GREB1L: variants seen among roughly 807,000 people sequenced by gnomAD.
The protein encoded by GREB1L is GREB1-like protein.
A neutral mutation model predicts 200.8 loss-of-function variants in GREB1L; 17 were observed. The ratio of observed to expected loss-of-function variants is 0.08; its 90% CI spans 0.06 to 0.13. The LOEUF (loss-of-function observed/expected upper bound fraction) is 0.13, where lower values mean the gene tolerates loss of function less well. Ranked by LOEUF, GREB1L falls within the 10% of genes least tolerant of loss-of-function variation. GREB1L has a pLI of 1.00. For synonymous variants in GREB1L, 789 were observed against 893.0 expected (o/e 0.88, Z 2.08); for missense variants, 1,657 against 2,367.7 (o/e 0.70, Z 6.23).
At chr18:21,431,104 C>G (rs545117261) in intron 7 of GREB1L, among the ~76,000 whole-genome samples, 2 of 151,986 alleles carry the variant, frequency 1.3e-5, no homozygotes, top group East Asian at 3.9e-4. Context: ...TCACTGCAAC[C>G]TCCACCTCCT....
At chr18:21,399,436 G>A (rs1490863584) in intron 5 of GREB1L, among the ~76,000 whole-genome samples, 1 of 147,774 alleles carries the variant, frequency 6.8e-6, no homozygotes, top group Non-Finnish European at 1.5e-5. Context: ...TGGTTGGATG[G>A]TTGGATGGAT....
intron 1 of GREB1L, among the ~76,000 whole-genome samples, chr18:21,312,563 TTTA>T: frequency 6.6e-6 from 1 of 151,880 alleles, no homozygotes; most frequent in African/African-American, 2.4e-5. Context: ...TATTTATTTA[TTTA>T]TTTTTTGAGA....
intron 2 of GREB1L, among the ~76,000 whole-genome samples, chr18:21,373,196 A>G (rs1222093123): frequency 6.6e-6 from 1 of 152,156 alleles, no homozygotes; most frequent in African/African-American, 2.4e-5. Context: ...CAGTGGGTTC[A>G]GGAGGTGACA....
chr18:21,268,560 C>CACATATATATATATAT (rs1204514384), intron 1 of GREB1L, among the ~76,000 whole-genome samples: 6 of 63,526 alleles, frequency 9.4e-5, no homozygotes, highest in African/African-American at 4.5e-4. Flanking sequence ...CACACACACA[C>CACATATATATATATAT]ATATATATAT....
At chr18:21,315,426 T>C (rs2144845613) in intron 1 of GREB1L, among the ~76,000 whole-genome samples, 1 of 152,246 alleles carries the variant, frequency 6.6e-6, no homozygotes, top group Non-Finnish European at 1.5e-5. Flanking sequence ...ATTTTTGCCC[T>C]TTGGCCCAGT....
chr18:21,439,479 C>T, intron 7 of GREB1L, 42 bp from the exon 8 acceptor site: 1 of 1,217,860 alleles, frequency 8.2e-7, no homozygotes, highest in South Asian at 1.3e-5. Flanking sequence ...CAGTGCCCCG[C>T]CCAGCCTCTG....
intron 7 of GREB1L, among the ~76,000 whole-genome samples, chr18:21,415,477 G>A (rs1439266068): frequency 6.6e-6 from 1 of 152,062 alleles, no homozygotes; most frequent in Non-Finnish European, 1.5e-5. Flanking sequence ...GCTCCAGCCT[G>A]GGCAGCGAAT....
intron 4 of GREB1L, among the ~76,000 whole-genome samples, chr18:21,386,358 C>T (rs1265391176): frequency 1.3e-5 from 2 of 152,116 alleles, no homozygotes; most frequent in Non-Finnish European, 2.9e-5. Flanking sequence ...GTGGCGCGAC[C>T]TCAGCTCACT....
chr18:21,474,256 C>A (rs2035597278), intron 16 of GREB1L, among the ~76,000 whole-genome samples: 1 of 152,142 alleles, frequency 6.6e-6, no homozygotes, highest in Non-Finnish European at 1.5e-5. Context: ...TGCCTAGGAG[C>A]CTGTAAAATC....
At chr18:21,443,318 T>G (rs2034015082) in intron 10 of GREB1L, among the ~76,000 whole-genome samples, 1 of 152,172 alleles carries the variant, frequency 6.6e-6, no homozygotes, top group Admixed American at 6.5e-5. Flanking sequence ...TTCTCCTGCC[T>G]CAGCCTCCCA....
At chr18:21,474,611 A>C (rs1274393406) in intron 16 of GREB1L, among the ~76,000 whole-genome samples, 1 of 152,194 alleles carries the variant, frequency 6.6e-6, no homozygotes, top group East Asian at 1.9e-4. Context: ...CAAGCTGTAC[A>C]TTGGCCCCTT....
chr18:21,379,463 C>T (rs2040214771), intron 2 of GREB1L, among the ~76,000 whole-genome samples: 1 of 152,180 alleles, frequency 6.6e-6, no homozygotes, highest in Admixed American at 6.5e-5. Context: ...GCCTTGGCCT[C>T]TCAAGTGCTG....
chr18:21,446,109 C>G (rs576672239), intron 11 of GREB1L, among the ~76,000 whole-genome samples: 2 of 152,304 alleles, frequency 1.3e-5, no homozygotes, highest in South Asian at 4.1e-4. Context: ...ACTGCAACCA[C>G]CACCTCCCAT....
chr18:21,444,436 T>C (rs753676378), intron 11 of GREB1L, 27 bp downstream of exon 11: 1 of 1,521,944 alleles, frequency 6.6e-7, no homozygotes, highest in Middle Eastern at 1.7e-4. Context: ...AATCATTTGC[T>C]GGTGACTACT....
intron 7 of GREB1L, among the ~76,000 whole-genome samples, chr18:21,439,285 G>C (rs1390586145): frequency 6.6e-6 from 1 of 152,130 alleles, no homozygotes; most frequent in East Asian, 1.9e-4. Flanking sequence ...AGACTTCACT[G>C]AAACTGATTC....
At position 21,343,730 on chromosome 18, in the gene GREB1L, A is replaced by ATTT. The variant is rs36120644; in HGVS notation, c.-119-22276_-119-22274dup. 1.3e-3 allele frequency among the ~76,000 whole-genome samples: 152 copies of ATTT among 114,922 alleles called. 3 individuals are homozygous for ATTT. The highest frequency in any genetic ancestry group is 2.3e-3 in the African/African-American group (68 of 29,458). 75.4% of individuals were successfully genotyped at this position (114,922 alleles called of 152,430 possible). On this transcript the variant is annotated intron_variant, in intron 1 of 32. Transcript: ENST00000424526. ...AGGGAGCAGAAGGTTGAGAAGAGAG[A>ATTT]TTTTTTTTTTTTTTTTTTTTTTTGA...
At chr18:21,370,872 G>C (rs563838351) in intron 2 of GREB1L, among the ~76,000 whole-genome samples, 1 of 152,096 alleles carries the variant, frequency 6.6e-6, no homozygotes, top group African/African-American at 2.4e-5. Context: ...GAGGCCAGGG[G>C]TTCGAGACCA....
At chr18:21,343,900 C>T (rs1355445091) in intron 1 of GREB1L, among the ~76,000 whole-genome samples, 1 of 151,896 alleles carries the variant, frequency 6.6e-6, no homozygotes, top group Non-Finnish European at 1.5e-5. Flanking sequence ...CTCAGCTTCC[C>T]GAGTAGGTGG....
intron 23 of GREB1L, 23 bp from the exon 24 acceptor site, chr18:21,505,389 T>A: frequency 6.5e-7 from 1 of 1,546,880 alleles, no homozygotes. Flanking sequence ...TCACCTGCTC[T>A]GCACACTTCC....
Sources: gnomAD v4.1 joint callset for allele counts (sites outside exome capture counted in the v4.1 genomes callset) on GRCh38, gnomAD v4.1.1 for gene constraint, MANE v1.5 for transcripts, NCBI Gene and HGNC (gene_info 2026-07-23, HGNC 2026-07-21) for gene names.